TMEM71: variants seen among roughly 807,000 people sequenced by gnomAD.
The protein encoded by TMEM71 is transmembrane protein 71.
In TMEM71, 44 loss-of-function variants were observed where a neutral mutation model predicts 38.0. The ratio of observed to expected loss-of-function variants is 1.16; its 90% CI spans 0.91 to 1.49. TMEM71 has a LOEUF of 1.49. Ranked by LOEUF, TMEM71 falls within the 40% of genes most tolerant of loss-of-function variation. The probability of loss-of-function intolerance (pLI) is 0.00; values close to 1 mark genes in which losing one functional copy is unlikely to be tolerated. For missense variants in TMEM71, 367 were observed against 348.6 expected (o/e 1.05, Z -0.42); for synonymous variants, 133 against 122.5 (o/e 1.09, Z -0.56).
At chr8:132,735,645 C>A (rs565476358) in intron 5 of TMEM71, among the ~76,000 whole-genome samples, 2 of 152,302 alleles carry the variant, frequency 1.3e-5, no homozygotes, top group East Asian at 3.9e-4. Context: ...ATACCTCATG[C>A]ACGTGCAGCA....
chr8:132,718,277 T>C (rs556195318), intron 7 of TMEM71, among the ~76,000 whole-genome samples: 1 of 152,278 alleles, frequency 6.6e-6, no homozygotes, highest in East Asian at 1.9e-4. Flanking sequence ...ATGCAATGAA[T>C]AGCATTTTAC....
At chr8:132,766,498 TA>T in the TMEM71 span, among the ~76,000 whole-genome samples, 272 of 151,096 alleles carry the variant, frequency 1.8e-3, 3 homozygotes, top group African/African-American at 6.2e-3. Context: ...CTTTTTACTT[TA>T]AAAAAAAATG....
intron 2 of TMEM71, chr8:132,757,959 A>C (rs1829126029): frequency 6.6e-6 from 1 of 152,160 alleles, no homozygotes; most frequent in African/African-American, 2.4e-5. Context: ...TCAATTACCC[A>C]ATGTGTTGGT....
intron 4 of TMEM71, among the ~76,000 whole-genome samples, chr8:132,748,191 G>C (rs1024478925): frequency 1.5e-4 from 23 of 152,212 alleles, no homozygotes; most frequent in African/African-American, 5.5e-4. Flanking sequence ...CTGCTCTTTA[G>C]CTATAGCTGC....
At chr8:132,750,490 A>G (rs1278639339) in intron 4 of TMEM71, among the ~76,000 whole-genome samples, 1 of 152,188 alleles carries the variant, frequency 6.6e-6, no homozygotes, top group Non-Finnish European at 1.5e-5. Flanking sequence ...CTGTAGTCCA[A>G]TGGTCTCAAG....
chr8:132,712,952 G>A (rs1446700441), intron 9 of TMEM71, among the ~76,000 whole-genome samples: 16 of 152,040 alleles, frequency 1.1e-4, no homozygotes, highest in Non-Finnish European at 2.1e-4. Context: ...CCAGGCTCAA[G>A]CAATTCCTCC....
At chr8:132,742,537 T>C (rs1411660063) in intron 5 of TMEM71, among the ~76,000 whole-genome samples, 2 of 152,252 alleles carry the variant, frequency 1.3e-5, no homozygotes, top group Admixed American at 1.3e-4. Context: ...TCAGGCATTA[T>C]ACTCAAATTA....
At chr8:132,709,068 C>T (rs925387190), downstream of TMEM71, among the ~76,000 whole-genome samples, 5 of 152,168 alleles carry the variant, frequency 3.3e-5, no homozygotes, top group Non-Finnish European at 5.9e-5. Context: ...GCATTATATG[C>T]ACGTAAACAG....
At chr8:132,745,990 G>T (rs1031150930) in intron 5 of TMEM71, among the ~76,000 whole-genome samples, 6 of 145,364 alleles carry the variant, frequency 4.1e-5, no homozygotes, top group African/African-American at 1.0e-4. Flanking sequence ...TATAAAGATG[G>T]CAACAATAGA....
chr8:132,773,781 C>T, the TMEM71 span, among the ~76,000 whole-genome samples: 1 of 152,098 alleles, frequency 6.6e-6, no homozygotes, highest in African/African-American at 2.4e-5. Flanking sequence ...ACATGAGTTT[C>T]TGATATTTTC....
upstream of TMEM71, among the ~76,000 whole-genome samples, chr8:132,765,105 G>A (rs910158685): frequency 4.6e-5 from 7 of 152,192 alleles, no homozygotes; most frequent in Non-Finnish European, 8.8e-5. Flanking sequence ...ACAGCAGTAA[G>A]CTTTTATTTT....
intron 6 of TMEM71, among the ~76,000 whole-genome samples, chr8:132,727,531 C>T (rs1042174055): frequency 1.2e-4 from 18 of 152,182 alleles, no homozygotes; most frequent in African/African-American, 4.3e-4. Context: ...GCTGGGATTA[C>T]AGGCCTGACC....
chr8:132,766,722 C>T, the TMEM71 span, among the ~76,000 whole-genome samples: 5 of 147,850 alleles, frequency 3.4e-5, no homozygotes, highest in Admixed American at 2.8e-4. Flanking sequence ...GCAAGAGAGG[C>T]GGAGGTGGCA....
At chr8:132,708,224 C>G (rs758698197), downstream of TMEM71, among the ~76,000 whole-genome samples, 3 of 152,154 alleles carry the variant, frequency 2.0e-5, no homozygotes, top group Non-Finnish European at 4.4e-5. Flanking sequence ...GAGCTGACAT[C>G]CAGTGATGTA....
chr8:132,737,504 C>T (rs918453293), intron 5 of TMEM71, among the ~76,000 whole-genome samples: 1 of 152,202 alleles, frequency 6.6e-6, no homozygotes, highest in Admixed American at 6.5e-5. Context: ...AGAAACTTTC[C>T]CCAAAGAGCT....
At chr8:132,739,298 A>G (rs1429392884) in intron 5 of TMEM71, among the ~76,000 whole-genome samples, 2 of 151,868 alleles carry the variant, frequency 1.3e-5, no homozygotes, top group Non-Finnish European at 2.9e-5. Flanking sequence ...TTGAATTCCA[A>G]CTCTGCTGTT....
chr8:132,769,514 C>T, the TMEM71 span, among the ~76,000 whole-genome samples: 8 of 152,240 alleles, frequency 5.3e-5, no homozygotes, highest in South Asian at 8.3e-4. Flanking sequence ...TCTCCCTGTC[C>T]CCTAAATTAA....
the TMEM71 span, among the ~76,000 whole-genome samples, chr8:132,772,716 AT>A: frequency 2.0e-5 from 3 of 152,212 alleles, no homozygotes; most frequent in East Asian, 1.9e-4. Context: ...AATATAAAAA[AT>A]TTATGAAAAT....
At chr8:132,742,008 C>T (rs925746953) in intron 5 of TMEM71, among the ~76,000 whole-genome samples, 2 of 152,232 alleles carry the variant, frequency 1.3e-5, no homozygotes, top group Non-Finnish European at 2.9e-5. Flanking sequence ...CCAAGGAGCC[C>T]TTCTGGTGGC....
Sources: allele counts gnomAD v4.1 joint callset (sites outside exome capture counted in the v4.1 genomes callset), GRCh38; gene constraint gnomAD v4.1.1; transcripts MANE v1.5; gene names NCBI Gene and HGNC (gene_info 2026-07-23, HGNC 2026-07-21).